CTIF: variants seen among roughly 807,000 people sequenced by gnomAD.
CTIF encodes the protein cap binding complex dependent translation initiation factor.
In CTIF, 21 loss-of-function variants were observed where a neutral mutation model predicts 66.0. The ratio of observed to expected loss-of-function variants is 0.32; its 90% CI spans 0.23 to 0.46. The LOEUF is 0.46. Ranked by LOEUF, CTIF falls within the 20% of genes least tolerant of loss-of-function variation. The pLI is 1.00. For missense variants in CTIF, 739 were observed against 812.7 expected (o/e 0.91, Z 1.10); for synonymous variants, 345 against 326.4 (o/e 1.06, Z -0.62).
At chr18:48,742,323 GCA>G (rs2092561792) in intron 7 of CTIF, among the ~76,000 whole-genome samples, 1 of 152,224 alleles carries the variant, frequency 6.6e-6, no homozygotes, top group Non-Finnish European at 1.5e-5. Context: ...GCAGGTTACA[GCA>G]CAGTGTGCAG....
At chr18:48,671,350 G>A (rs1003015683) in intron 6 of CTIF, among the ~76,000 whole-genome samples, 12 of 152,146 alleles carry the variant, frequency 7.9e-5, no homozygotes, top group African/African-American at 2.7e-4. Context: ...GTGTGACTGG[G>A]CCTGCTGCAG....
intron 2 of CTIF, among the ~76,000 whole-genome samples, chr18:48,620,004 T>G (rs1212912716): frequency 6.6e-6 from 1 of 152,196 alleles, no homozygotes; most frequent in Non-Finnish European, 1.5e-5. Flanking sequence ...GGCCCACATG[T>G]CTTTGAACAT....
intron 3 of CTIF, among the ~76,000 whole-genome samples, chr18:48,660,665 T>C (rs964837657): frequency 4.6e-5 from 7 of 152,216 alleles, no homozygotes; most frequent in Non-Finnish European, 1.5e-5. Flanking sequence ...TTCCACCAGC[T>C]CTCTGCACAG....
chr18:48,540,690 C>T (rs1452118140), intron 1 of CTIF, among the ~76,000 whole-genome samples: 3 of 152,028 alleles, frequency 2.0e-5, no homozygotes, highest in South Asian at 2.1e-4. Context: ...GGCGTCGCCT[C>T]CCCCGCCCGG....
intron 1 of CTIF, among the ~76,000 whole-genome samples, chr18:48,608,542 T>C (rs2090247634): frequency 6.6e-6 from 1 of 152,140 alleles, no homozygotes; most frequent in Non-Finnish European, 1.5e-5. Context: ...ATGAGCATTC[T>C]GAGGGGTCTC....
At chr18:48,738,540 C>CG (rs1315416704) in intron 7 of CTIF, among the ~76,000 whole-genome samples, 6 of 152,042 alleles carry the variant, frequency 3.9e-5, no homozygotes, top group African/African-American at 1.2e-4. Context: ...GCTGTTCCCC[C>CG]TCCCCGGATT....
At chr18:48,680,776 C>T (rs919369730) in intron 6 of CTIF, among the ~76,000 whole-genome samples, 2 of 152,216 alleles carry the variant, frequency 1.3e-5, no homozygotes, top group Non-Finnish European at 2.9e-5. Flanking sequence ...TGGAAGGAGC[C>T]GCCGGGGCTT....
At chr18:48,812,267 C>T (rs1270253717) in intron 9 of CTIF, among the ~76,000 whole-genome samples, 1 of 152,148 alleles carries the variant, frequency 6.6e-6, no homozygotes, top group South Asian at 2.1e-4. Flanking sequence ...CCCAGCTGGC[C>T]ATACTATTTT....
rs565130413 is a variant in CTIF at position 48,834,365 on chromosome 18, A to AT, written c.1527+16996dup. Among the ~76,000 whole-genome samples, 7 of 152,250 alleles carry AT rather than the reference A, an allele frequency of 4.6e-5. No individual in the cohort carries two copies. The East Asian group carries it at 5.8e-4, about 13-fold the overall frequency. On this transcript the variant is annotated intron_variant, in intron 10 of 11. Coordinates refer to ENST00000256413, the MANE Select transcript of CTIF (RefSeq NM_014772.3). ...TGTATATGTCACAAAATATTCTTTG[A>AT]TTTTTTTCCCCAACTACTGAAAAAT...
rs539705652 is a variant in CTIF, at chr18:48,704,670, G to A, written c.508-6949G>A. 4.5e-4 allele frequency among the ~76,000 whole-genome samples: 69 copies of A among 152,244 alleles called. No individual in the cohort carries two copies. In the East Asian group the frequency reaches 0.01, roughly 23 times the overall value. On this transcript the variant is annotated intron_variant, in intron 6 of 11. Transcript: ENST00000256413. The stretch of plus-strand genomic sequence containing the variant: ...CTTGCAGTGTCCCCCCAGTCCTCAC[G>A]CGGCCTTGTTTTTACAAGGACATCA...
intron 7 of CTIF, among the ~76,000 whole-genome samples, chr18:48,749,476 C>T (rs1248169248): frequency 6.6e-6 from 1 of 152,202 alleles, no homozygotes; most frequent in Non-Finnish European, 1.5e-5. Flanking sequence ...GAGGTCTCTT[C>T]CTTGACCTAA....
intron 10 of CTIF, among the ~76,000 whole-genome samples, chr18:48,828,736 G>A (rs754367912): frequency 1.3e-5 from 2 of 152,178 alleles, no homozygotes; most frequent in Non-Finnish European, 2.9e-5. Flanking sequence ...ACGCACCCTC[G>A]GGCATGGGCC....
chr18:48,639,647 T>G (rs1287027047), intron 3 of CTIF, among the ~76,000 whole-genome samples: 2 of 152,126 alleles, frequency 1.3e-5, no homozygotes, highest in Admixed American at 1.3e-4. Context: ...GAGACTGAAT[T>G]TATTAGGTAC....
chr18:48,665,993 A>G (rs999328485), intron 5 of CTIF, among the ~76,000 whole-genome samples: 2 of 152,170 alleles, frequency 1.3e-5, no homozygotes, highest in African/African-American at 2.4e-5. Flanking sequence ...GCTGGGTTGT[A>G]TGGTAATTCT....
chr18:48,652,582 T>C (rs1447263621), intron 3 of CTIF, among the ~76,000 whole-genome samples: 3 of 152,214 alleles, frequency 2.0e-5, no homozygotes, highest in Non-Finnish European at 2.9e-5. Context: ...CCATTCCTTC[T>C]GAAACTATTC....
intron 2 of CTIF, among the ~76,000 whole-genome samples, chr18:48,623,087 C>T (rs2090526197): frequency 1.3e-5 from 2 of 152,256 alleles, no homozygotes; most frequent in South Asian, 4.1e-4. Flanking sequence ...CTGGCACCAG[C>T]TCCAGGGATC....
intron 6 of CTIF, among the ~76,000 whole-genome samples, chr18:48,686,988 G>A (rs956894685): frequency 1.3e-5 from 2 of 152,178 alleles, no homozygotes; most frequent in Non-Finnish European, 2.9e-5. Context: ...TCATGAGAGA[G>A]CAGGAGTTGA....
chr18:48,838,731 T>C (rs540675304), intron 10 of CTIF, among the ~76,000 whole-genome samples: 21 of 152,352 alleles, frequency 1.4e-4, no homozygotes, highest in African/African-American at 5.1e-4. Context: ...GGTGGCCCCT[T>C]AACCAGAAGC....
chr18:48,598,719 A>G (rs994566564), intron 1 of CTIF, among the ~76,000 whole-genome samples: 1 of 152,214 alleles, frequency 6.6e-6, no homozygotes, highest in African/African-American at 2.4e-5. Flanking sequence ...AACAGCACGC[A>G]GGGCAAGAAT....
Sources: gnomAD v4.1 joint callset for allele counts (sites outside exome capture counted in the v4.1 genomes callset) on GRCh38, gnomAD v4.1.1 for gene constraint, MANE v1.5 for transcripts, NCBI Gene and HGNC (gene_info 2026-07-23, HGNC 2026-07-21) for gene names.